Variants in DGKH observed in about 807,000 individuals in gnomAD.
DGKH encodes DAG kinase eta.
Under a neutral mutation model 159.3 loss-of-function variants are expected in DGKH, and 90 were observed. The observed-to-expected ratio is 0.57, with a 90% CI of 0.48 to 0.67. DGKH has a LOEUF of 0.67. DGKH is among the 30% of genes least tolerant of loss of function. DGKH has a pLI of 0.00. For synonymous variants in DGKH, 536 were observed against 553.8 expected (o/e 0.97, Z 0.45); for missense variants, 1,181 against 1,506.1 (o/e 0.78, Z 3.57).
Position 42,214,898 on chromosome 13 carries a change from C to T in DGKH, c.3120+286C>T, listed in dbSNP as rs539055772. 2.0e-5 allele frequency among the ~76,000 whole-genome samples: 3 copies of T among 151,956 alleles called. No individual in the cohort carries two copies. The South Asian group carries it at 6.2e-4, about 32-fold the overall frequency. On this transcript the variant is annotated intron_variant, in intron 25 of 29. Coordinates refer to ENST00000337343, the MANE Select transcript of DGKH (RefSeq NM_178009.5). Reference sequence around the variant, plus strand: ...TTTGAACTTTAATCGTCCTTTCTTACTCCTTCTTTTACCTTACCTTCTGCC... The same window carrying T: ...TTTGAACTTTAATCGTCCTTTCTTATTCCTTCTTTTACCTTACCTTCTGCC...
chr13:42,050,899 T>C lies in DGKH; in HGVS notation c.192+1934T>C, dbSNP rs189543646. On this transcript the variant is annotated intron_variant, in intron 1 of 29. Transcript: ENST00000337343. ...AACAAACAAACGTGTATGTTACATA[T>C]TTATATGAAATGGTCAAAATTCCAT... 1.2e-3 allele frequency among the ~76,000 whole-genome samples: 179 copies of C among 152,322 alleles called. 1 individual carries two copies. The highest frequency in any genetic ancestry group is 4.2e-3 in the African/African-American group (176 of 41,574).
rs1594250002 is a variant in DGKH at position 42,229,331 on chromosome 13, T to C, written c.*143T>C. On this transcript the variant is annotated 3_prime_UTR_variant, in exon 30 of 30. Coordinates refer to ENST00000337343, the MANE Select transcript of DGKH (RefSeq NM_178009.5). ...CTGTGGCTTGATATTTTGCTGTGGG[T>C]GAAATTTTGATTTGAGGTATTAGAA... 2.9e-6 allele frequency: 2 copies of C among 678,526 alleles called. No homozygotes were observed. Among genetic ancestry groups the C allele is most frequent in the East Asian group, 3.2e-5 (1 of 31,478 alleles). The allele number at this position is 678,526 out of a possible 1,614,324, so 42.0% of individuals were successfully genotyped here. A position where few individuals can be genotyped will look rare whatever the true frequency, so the allele number is the denominator to read the frequency against.
intron 21 of DGKH, among the ~76,000 whole-genome samples, chr13:42,207,004 T>C (rs1957495709): frequency 1.4e-5 from 2 of 142,314 alleles, no homozygotes; most frequent in African/African-American, 2.7e-5. Context: ...TCTTTCTTTC[T>C]TTCTTTCTTT....
intron 3 of DGKH, among the ~76,000 whole-genome samples, chr13:42,145,955 A>G (rs1205970472): frequency 1.3e-5 from 2 of 152,160 alleles, no homozygotes; most frequent in Non-Finnish European, 2.9e-5. Flanking sequence ...TGGTTTCTGC[A>G]CAAATTTTGG....
chr13:42,222,080 C>T (rs1387744701), intron 29 of DGKH, among the ~76,000 whole-genome samples: 1 of 152,200 alleles, frequency 6.6e-6, no homozygotes, highest in African/African-American at 2.4e-5. Context: ...TCCTTCATCA[C>T]CTGAGGCATT....
chr13:42,071,425 T>TA (rs1882961808), intron 1 of DGKH, among the ~76,000 whole-genome samples: 1 of 152,220 alleles, frequency 6.6e-6, no homozygotes, highest in Admixed American at 6.5e-5. Context: ...GCACTCAGAT[T>TA]ACTCTGCTAA....
At chr13:42,172,215 G>C (rs1328773585) in intron 11 of DGKH, among the ~76,000 whole-genome samples, 1 of 149,210 alleles carries the variant, frequency 6.7e-6, no homozygotes, top group Non-Finnish European at 1.5e-5. Flanking sequence ...ACATTCAAGC[G>C]ATACTCCTGC....
intron 1 of DGKH, among the ~76,000 whole-genome samples, chr13:42,099,414 G>T (rs1387479640): frequency 6.6e-6 from 1 of 152,110 alleles, no homozygotes; most frequent in Non-Finnish European, 1.5e-5. Flanking sequence ...AAAATTTCCG[G>T]AAAAATGTGG....
chr13:42,256,292 A>G, exon 31 of DGKH: 1 of 1,595,036 alleles, frequency 6.3e-7, no homozygotes, highest in Non-Finnish European at 8.6e-7. Flanking sequence ...AGTTTCCTTT[A>G]CAGAAAACTG....
intron 20 of DGKH, among the ~76,000 whole-genome samples, chr13:42,201,068 C>T (rs1280122971): frequency 1.3e-5 from 2 of 151,630 alleles, no homozygotes; most frequent in Non-Finnish European, 2.9e-5. Context: ...TCTCGGCTCA[C>T]TGCAACCTCT....
intron 2 of DGKH, among the ~76,000 whole-genome samples, chr13:42,127,827 C>T (rs1156696057): frequency 6.6e-6 from 1 of 152,046 alleles, no homozygotes; most frequent in African/African-American, 2.4e-5. Context: ...TTCTTTCTTT[C>T]CAATTAAAAT....
At chr13:42,068,699 TCTC>T (rs1882756297) in intron 1 of DGKH, among the ~76,000 whole-genome samples, 1 of 152,194 alleles carries the variant, frequency 6.6e-6, no homozygotes, top group Non-Finnish European at 1.5e-5. Flanking sequence ...ATTTCTTTTG[TCTC>T]CTCCTGCATT....
At chr13:42,152,192 G>A (rs1173466543) in intron 3 of DGKH, among the ~76,000 whole-genome samples, 1 of 152,066 alleles carries the variant, frequency 6.6e-6, no homozygotes, top group Non-Finnish European at 1.5e-5. Flanking sequence ...CTTTAAGAGA[G>A]TACATTTGTG....
At chr13:42,190,303 T>C (rs1170119) in intron 15 of DGKH, 100 bp from the exon 16 acceptor site, 1,309,652 of 1,372,680 alleles carry the variant, frequency 0.95, 625,997 homozygotes, top group Non-Finnish European at 0.97. Flanking sequence ...TCTGGAATTT[T>C]GTTTGGCATA....
intron 9 of DGKH, among the ~76,000 whole-genome samples, chr13:42,168,009 A>G (rs1323397138): frequency 2.0e-5 from 3 of 152,182 alleles, no homozygotes; most frequent in African/African-American, 7.2e-5. Flanking sequence ...CCTGAGAGCA[A>G]TACAATGATT....
At position 42,230,563 on chromosome 13, in the gene DGKH, A is replaced by G. The variant is rs763533604; in HGVS notation, c.*1375A>G. ...ACCAAAACATTAATTATAATATTTTAAAATTTGTATATAAGAGAAATAAAC... is the reference window on the plus strand; with the variant it reads ...ACCAAAACATTAATTATAATATTTTGAAATTTGTATATAAGAGAAATAAAC... On this transcript the variant is annotated 3_prime_UTR_variant, in exon 30 of 30. Coordinates refer to ENST00000337343, the MANE Select transcript of DGKH (RefSeq NM_178009.5). 48 of 152,220 alleles carry G rather than the reference A, an allele frequency of 3.2e-4. No homozygotes were observed. The highest frequency in any genetic ancestry group is 5.9e-4 in the Admixed American group (9 of 15,288). The allele number at this position is 152,220 out of a possible 1,614,324, so 9.4% of individuals were successfully genotyped here. A position where few individuals can be genotyped will look rare whatever the true frequency, so the allele number is the denominator to read the frequency against.
chr13:42,048,565 G>T (rs1479501071), upstream of DGKH, among the ~76,000 whole-genome samples: 1 of 152,218 alleles, frequency 6.6e-6, no homozygotes, highest in Non-Finnish European at 1.5e-5. The surrounding 1 kb of genome is among the most constrained non-coding windows in gnomAD (Gnocchi z 6.7). Context: ...CGCCGCTCCG[G>T]CGGGAACCGA....
In DGKH at chr13:42,209,006, A is replaced by G. The variant is rs149925118; in HGVS notation, c.2649A>G (p.Ala883=). ...ATGACAAGATCCTGGAAGTTGTAGC[A>G]ATATTTGATAGCATGCAAATGGCAG... ...SFDDKILEVV[A]IFDSMQMAVS... The change falls in exon 22 of 30, where the codon GCA becomes GCG. Residue 883 remains alanine (A), a synonymous_variant. Transcript: ENST00000337343. 189 of 1,612,984 alleles carry G rather than the reference A, an allele frequency of 1.2e-4. 1 individual carries two copies. Among genetic ancestry groups the G allele is most frequent in the Middle Eastern group, 6.6e-4 (4 of 6,076 alleles).
chr13:42,159,473 G>T, intron 6 of DGKH, 101 bp downstream of exon 6: 1 of 826,216 alleles, frequency 1.2e-6, no homozygotes. Flanking sequence ...TTATTATTAG[G>T]ATTTAATAGA....
Sources: allele counts gnomAD v4.1 joint callset (sites outside exome capture counted in the v4.1 genomes callset), GRCh38; gene constraint gnomAD v4.1.1; non-coding constraint Gnocchi (gnomAD v3.1); transcripts MANE v1.5; gene names NCBI Gene and HGNC (gene_info 2026-07-23, HGNC 2026-07-21).